The following C7orf78 variants were observed in gnomAD, a reference collection of about 807,000 sequenced individuals.
The protein encoded by C7orf78 is putative uncharacterized protein C7orf78.
the C7orf78 span, chr7:12,540,988 T>G: frequency 1.3e-5 from 2 of 152,174 alleles, no homozygotes; most frequent in African/African-American, 4.8e-5. Context: ...CCCGTGCATT[T>G]CCCAGTGAGA....
the C7orf78 span, chr7:12,525,688 T>G: frequency 7.8e-6 from 3 of 382,264 alleles, no homozygotes; most frequent in Admixed American, 1.3e-4. Flanking sequence ...ATGCTACATT[T>G]GAATGCCACA....
chr7:12,513,973 C>A, the C7orf78 span, among the ~76,000 whole-genome samples: 3 of 152,106 alleles, frequency 2.0e-5, no homozygotes, highest in East Asian at 5.8e-4. Context: ...GCACTCCAGC[C>A]TGGGCAACAG....
the C7orf78 span, among the ~76,000 whole-genome samples, chr7:12,521,009 A>T: frequency 6.6e-6 from 1 of 151,870 alleles, no homozygotes; most frequent in Admixed American, 6.6e-5. Context: ...TTTGAAGTCT[A>T]TTTTATCTGA....
the C7orf78 span, among the ~76,000 whole-genome samples, chr7:12,497,041 G>T: frequency 6.6e-6 from 1 of 151,714 alleles, no homozygotes; most frequent in Non-Finnish European, 1.5e-5. Context: ...ACAGTTAAAA[G>T]AAAGACTCCA....
chr7:12,492,776 G>A, the C7orf78 span, among the ~76,000 whole-genome samples: 1 of 152,166 alleles, frequency 6.6e-6, no homozygotes, highest in Admixed American at 6.5e-5. Context: ...AAGTAAAACA[G>A]GTCTCTGTTT....
chr7:12,513,346 C>T, the C7orf78 span, among the ~76,000 whole-genome samples: 6 of 151,466 alleles, frequency 4.0e-5, no homozygotes, highest in Admixed American at 2.6e-4. Flanking sequence ...TTTTGGTTGT[C>T]GTTGCTGCTG....
the C7orf78 span, among the ~76,000 whole-genome samples, chr7:12,492,785 T>C: frequency 6.6e-6 from 1 of 152,220 alleles, no homozygotes; most frequent in Non-Finnish European, 1.5e-5. Context: ...AGGTCTCTGT[T>C]TACTCTTGAA....
chr7:12,496,080 C>T, the C7orf78 span, among the ~76,000 whole-genome samples: 1 of 152,134 alleles, frequency 6.6e-6, no homozygotes, highest in Non-Finnish European at 1.5e-5. Context: ...TGCCCGCCAC[C>T]ACACCTGGCT....
chr7:12,533,521 T>C, the C7orf78 span, among the ~76,000 whole-genome samples: 1 of 143,300 alleles, frequency 7.0e-6, no homozygotes, highest in Non-Finnish European at 1.5e-5. Context: ...TCTTTTTTTT[T>C]TTTTTTTTTC....
chr7:12,493,105 G>A, the C7orf78 span, among the ~76,000 whole-genome samples: 1 of 152,144 alleles, frequency 6.6e-6, no homozygotes, highest in Admixed American at 6.5e-5. Flanking sequence ...TGGGGACTGA[G>A]GTGAGAGAAT....
chr7:12,525,678 A>G, the C7orf78 span: 1 of 379,526 alleles, frequency 2.6e-6, no homozygotes, highest in East Asian at 3.7e-5. Context: ...CAAGTTTTAA[A>G]TGCTACATTT....
At chr7:12,526,385 T>C in the C7orf78 span, among the ~76,000 whole-genome samples, 1 of 152,168 alleles carries the variant, frequency 6.6e-6, no homozygotes, top group African/African-American at 2.4e-5. Flanking sequence ...ATTACTGTTA[T>C]GGTGCCATTT....
chr7:12,497,249 G>A, the C7orf78 span, among the ~76,000 whole-genome samples: 4 of 152,102 alleles, frequency 2.6e-5, no homozygotes, highest in East Asian at 1.9e-4. Context: ...GAACAGCTCC[G>A]GTCTACAGCT....
the C7orf78 span, among the ~76,000 whole-genome samples, chr7:12,523,880 G>A: frequency 6.6e-6 from 1 of 152,018 alleles, no homozygotes; most frequent in East Asian, 1.9e-4. Context: ...ATAATATATG[G>A]GCAATAATTA....
At chr7:12,497,361 A>G in the C7orf78 span, among the ~76,000 whole-genome samples, 33 of 152,340 alleles carry the variant, frequency 2.2e-4, no homozygotes, top group South Asian at 2.3e-3. Context: ...CAGGTCAGTG[A>G]GTGCGCACAC....
chr7:12,511,207 T>C, the C7orf78 span, among the ~76,000 whole-genome samples: 2 of 152,172 alleles, frequency 1.3e-5, no homozygotes, highest in Non-Finnish European at 2.9e-5. Context: ...TATGTGGGTT[T>C]ATTTCTGGAT....
chr7:12,487,493 T>C, the C7orf78 span, among the ~76,000 whole-genome samples: 3 of 152,186 alleles, frequency 2.0e-5, no homozygotes, highest in Admixed American at 2.0e-4. Flanking sequence ...CAGGGTGTCT[T>C]TTTAAACCAT....
At chr7:12,531,189 T>C in the C7orf78 span, 1 of 395,822 alleles carries the variant, frequency 2.5e-6, no homozygotes, top group Non-Finnish European at 4.5e-6. Context: ...TTTTATCATA[T>C]AAGTGCTCTA....
the C7orf78 span, among the ~76,000 whole-genome samples, chr7:12,505,188 TAC>T: frequency 6.6e-6 from 1 of 152,068 alleles, no homozygotes; most frequent in African/African-American, 2.4e-5. Flanking sequence ...GGGTTTTACA[TAC>T]AGTTTTCAAA....
Sources: allele counts gnomAD v4.1 joint callset (sites outside exome capture counted in the v4.1 genomes callset), GRCh38; gene constraint gnomAD v4.1.1; transcripts MANE v1.5; gene names NCBI Gene and HGNC (gene_info 2026-07-23, HGNC 2026-07-21).